PBRM1: variants seen among roughly 807,000 people sequenced by gnomAD.
The protein encoded by PBRM1 is polybromo 1.
A neutral mutation model predicts 194.5 loss-of-function variants in PBRM1; 27 were observed. The observed-to-expected ratio is 0.14, with a 90% CI of 0.10 to 0.19. The LOEUF is 0.19. Ranked by LOEUF, PBRM1 falls within the 10% of genes least tolerant of loss-of-function variation. PBRM1 has a pLI of 1.00. For missense variants in PBRM1, 1,466 were observed against 2,077.2 expected (o/e 0.71, Z 5.72); for synonymous variants, 655 against 693.2 (o/e 0.94, Z 0.87).
At chr3:52,669,710 T>C (rs1290253092) in intron 2 of PBRM1, among the ~76,000 whole-genome samples, 1 of 152,198 alleles carries the variant, frequency 6.6e-6, no homozygotes, top group Non-Finnish European at 1.5e-5. Context: ...AAATTTGTAT[T>C]CTGACATAAA....
At chr3:52,663,463 A>G (rs1395456379) in intron 3 of PBRM1, among the ~76,000 whole-genome samples, 1 of 152,134 alleles carries the variant, frequency 6.6e-6, no homozygotes, top group East Asian at 1.9e-4. Flanking sequence ...ATCTCTGAGA[A>G]CTCTTCATCG....
At position 52,609,738 on chromosome 3, in the gene PBRM1, C is replaced by T. The variant is rs2153423568; in HGVS notation, c.2142G>A (p.Met714Ile). 6.2e-7 allele frequency: 1 copy of T among 1,607,834 alleles called. No homozygotes were observed. Among genetic ancestry groups the T allele is most frequent in the Non-Finnish European group, 8.5e-7 (1 of 1,177,790 alleles). ...AGTCAATATCTTGGTACTTGTTGGC[C>T]ATCATGTGACTTCGAATTTTTTCCA... is the stretch of plus-strand genomic sequence containing the variant. The change falls in exon 16 of 30, where the codon ATG becomes ATA. Residue 714 changes from methionine to isoleucine, a missense_variant. Coordinates refer to ENST00000296302, the Ensembl canonical transcript of PBRM1. This position sits in a 1 kb window ranked among gnomAD's most constrained non-coding sequence, Gnocchi z 4.1.
At position 52,647,971 on chromosome 3, in the gene PBRM1, C is replaced by A. The variant is rs546857301; in HGVS notation, c.813+373G>T. ...TTGCACTGTCGCCCGGGCTGGAGTG[C>A]AATCTCAGCTCACTGCAACCTCTGC... On this transcript the variant is annotated intron_variant, in intron 7 of 29. Transcript: ENST00000296302. Among the ~76,000 whole-genome samples, 4 of 151,588 alleles carry A rather than the reference C, an allele frequency of 2.6e-5. No individual in the cohort carries two copies. In the South Asian group the frequency reaches 8.3e-4, roughly 32 times the overall value.
intron 7 of PBRM1, among the ~76,000 whole-genome samples, chr3:52,646,083 G>C (rs1399207421): frequency 6.6e-6 from 1 of 151,992 alleles, no homozygotes; most frequent in Non-Finnish European, 1.5e-5. Context: ...AGACCCAAAA[G>C]TAAAATTCTT....
exon 11 of PBRM1, chr3:52,634,815 G>A (rs1307761878): frequency 6.2e-7 from 1 of 1,608,264 alleles, no homozygotes; most frequent in Non-Finnish European, 8.5e-7. Context: ...ATAGCGTGCA[G>A]CTGGAAAGAC....
At chr3:52,574,305 CA>C (rs1372880184) in intron 22 of PBRM1, among the ~76,000 whole-genome samples, 2 of 152,200 alleles carry the variant, frequency 1.3e-5, no homozygotes, top group Non-Finnish European at 2.9e-5. Context: ...TTTATAAAAG[CA>C]ATATTGTATT....
intron 13 of PBRM1, among the ~76,000 whole-genome samples, chr3:52,619,910 G>A (rs1380768912): frequency 6.6e-6 from 1 of 152,154 alleles, no homozygotes; most frequent in Non-Finnish European, 1.5e-5. Context: ...TGCTAGAGTT[G>A]GGATCATCCT....
chr3:52,550,363 G>GT, intron 29 of PBRM1, 58 bp downstream of exon 31: 1 of 861,038 alleles, frequency 1.2e-6, no homozygotes, highest in South Asian at 3.2e-5. Context: ...GCTAACAGCA[G>GT]TAAGACAGCT....
chr3:52,679,860 G>GTTTT, upstream of PBRM1: 1 of 398,476 alleles, frequency 2.5e-6, no homozygotes, highest in Non-Finnish European at 4.3e-6. Flanking sequence ...CTAGCTATAA[G>GTTTT]TTTTTTTTTT....
At chr3:52,547,115 C>A (rs1239474214), downstream of PBRM1, 1 of 232,874 alleles carries the variant, frequency 4.3e-6, no homozygotes, top group African/African-American at 2.2e-5. Flanking sequence ...TCCATGCATA[C>A]CTTAATGCTT....
chr3:52,588,466 C>T (rs1246867856), intron 18 of PBRM1, among the ~76,000 whole-genome samples: 3 of 151,544 alleles, frequency 2.0e-5, no homozygotes. Flanking sequence ...TGTCACTCTA[C>T]ATAAAGTTTG....
At chr3:52,664,076 G>A (rs1403101261) in intron 3 of PBRM1, among the ~76,000 whole-genome samples, 1 of 144,592 alleles carries the variant, frequency 6.9e-6, no homozygotes, top group Non-Finnish European at 1.5e-5. Flanking sequence ...AAAAAAAAAA[G>A]TTGGGCACGG....
downstream of PBRM1, chr3:52,547,309 C>A (rs2079803615): frequency 4.3e-6 from 1 of 233,120 alleles, no homozygotes; most frequent in East Asian, 6.0e-5. Flanking sequence ...ACACCATAGT[C>A]TAACTCACAG....
At chr3:52,610,846 G>C (rs187648820) in intron 15 of PBRM1, among the ~76,000 whole-genome samples, 490 of 152,278 alleles carry the variant, frequency 3.2e-3, no homozygotes, top group Non-Finnish European at 5.2e-3. Flanking sequence ...GGCTGAGGCA[G>C]GATAATTGCT....
intron 2 of PBRM1, among the ~76,000 whole-genome samples, chr3:52,674,453 C>T (rs1257602407): frequency 6.8e-6 from 1 of 146,452 alleles, no homozygotes; most frequent in Admixed American, 6.9e-5. Flanking sequence ...CACCACTGCA[C>T]TCCAGCCTGG....
At chr3:52,631,309 A>T (rs958639214) in intron 11 of PBRM1, among the ~76,000 whole-genome samples, 1 of 132,224 alleles carries the variant, frequency 7.6e-6, no homozygotes, top group Non-Finnish European at 1.5e-5. Flanking sequence ...TTTCTCTATT[A>T]AAAAAAAAAA....
chr3:52,558,443 G>A (rs761346989), intron 25 of PBRM1, 30 bp from the exon 28 acceptor site: 1 of 1,497,950 alleles, frequency 6.7e-7, no homozygotes, highest in South Asian at 1.3e-5. Flanking sequence ...TTTCAATTCT[G>A]TTTTTAACCC....
chr3:52,564,217 C>A, exon 23 of PBRM1: 1 of 1,612,084 alleles, frequency 6.2e-7, no homozygotes, highest in Non-Finnish European at 8.5e-7. Context: ...CCTTGAATGA[C>A]AACACAGCAC....
intron 2 of PBRM1, 131 bp from the exon 4 acceptor site, chr3:52,668,776 GCTTA>G: frequency 4.3e-6 from 1 of 233,540 alleles, no homozygotes; most frequent in Non-Finnish European, 7.2e-6. Context: ...GGACTTTGAA[GCTTA>G]CTTAAAAAAA....
Sources: gnomAD v4.1 joint callset for allele counts (sites outside exome capture counted in the v4.1 genomes callset) on GRCh38, gnomAD v4.1.1 for gene constraint, Gnocchi (gnomAD v3.1) non-coding constraint, MANE v1.5 for transcripts, NCBI Gene and HGNC (gene_info 2026-07-23, HGNC 2026-07-21) for gene names.